The following AP1AR variants were observed in gnomAD, a reference collection of about 807,000 sequenced individuals.
AP1AR encodes the protein AP-1 complex-associated regulatory protein.
Under a neutral mutation model 46.3 loss-of-function variants are expected in AP1AR, and 29 were observed. The ratio of observed to expected loss-of-function variants is 0.63; its 90% confidence interval spans 0.47 to 0.85. AP1AR has a LOEUF of 0.85. Ranked by LOEUF, AP1AR falls within the 40% of genes least tolerant of loss-of-function variation. AP1AR has a pLI of 0.00. For synonymous variants in AP1AR, 122 were observed against 122.9 expected (o/e 0.99, Z 0.05); for missense variants, 357 against 356.3 (o/e 1.00, Z -0.02).
At chr4:112,236,009 T>G (rs949755627) in intron 1 of AP1AR, among the ~76,000 whole-genome samples, 5 of 152,068 alleles carry the variant, frequency 3.3e-5, no homozygotes, top group Non-Finnish European at 4.4e-5. Context: ...ATTTCCTTCA[T>G]ATGTGTATTA....
rs1317231369 is a variant in AP1AR at position 112,271,953 on chromosome 4, A to T, written c.*3544A>T. Among the ~76,000 whole-genome samples the T allele has an allele frequency of 1.3e-5, 2 of 152,180 alleles. No individual in the cohort carries two copies. Among genetic ancestry groups the T allele is most frequent in the Non-Finnish European group, 2.9e-5 (2 of 68,030 alleles). On this transcript the variant is annotated 3_prime_UTR_variant, in exon 10 of 10. Coordinates refer to ENST00000274000, the MANE Select transcript of AP1AR (RefSeq NM_018569.6). The stretch of plus-strand genomic sequence containing the variant: ...GTGAAACAGTCGTCAAAAGAAACAG[A>T]TACAGGAGGAATGCAGGAACCAGAG...
In AP1AR at chr4:112,269,717, C is replaced by T. The variant is rs1049994339; in HGVS notation, c.*1308C>T. ...CAATATTTGAACTGCTAAGCAATGA[C>T]ATCTGTAGTTTTATCTCCTTTTTTA... On this transcript the variant is annotated 3_prime_UTR_variant, in exon 10 of 10. Transcript: ENST00000274000. 4.6e-5 allele frequency: 7 copies of T among 151,598 alleles called. No individual in the cohort carries two copies. The highest frequency in any genetic ancestry group is 1.9e-4 in the East Asian group (1 of 5,188). 9.4% of individuals were successfully genotyped at this position (151,598 alleles called of 1,614,324 possible). A position where few individuals can be genotyped will look rare whatever the true frequency, so the allele number is the denominator to read the frequency against.
At position 112,271,558 on chromosome 4, in the gene AP1AR, CATT is replaced by C. The variant is rs1036096762; in HGVS notation, c.*3150_*3152del. ...TAAACTGTCTCAATCTATTTGGACT[CATT>C]GTCTCCCTACTGGCCAAATCTATAG... is the stretch of plus-strand genomic sequence containing the variant. On this transcript the variant is annotated 3_prime_UTR_variant, in exon 10 of 10. Coordinates refer to ENST00000274000, the MANE Select transcript of AP1AR (RefSeq NM_018569.6). Among the ~76,000 whole-genome samples, 3 of 152,198 alleles carry C rather than the reference CATT, an allele frequency of 2.0e-5. No individual in the cohort carries two copies. Among genetic ancestry groups the C allele is most frequent in the Non-Finnish European group, 2.9e-5 (2 of 68,030 alleles).
chr4:112,237,048 C>T (rs1725272782), intron 1 of AP1AR, among the ~76,000 whole-genome samples: 1 of 152,218 alleles, frequency 6.6e-6, no homozygotes, highest in Non-Finnish European at 1.5e-5. Context: ...TCTCTTACCA[C>T]TTTTAATATC....
At chr4:112,265,917 C>A in intron 8 of AP1AR, 110 bp downstream of exon 8, 3 of 648,628 alleles carry the variant, frequency 4.6e-6, no homozygotes, top group Non-Finnish European at 5.1e-6. Flanking sequence ...TTTGTAATTC[C>A]CAGATAGGTC....
chr4:112,247,420 A>T (rs150777610), intron 1 of AP1AR, among the ~76,000 whole-genome samples: 49 of 152,342 alleles, frequency 3.2e-4, no homozygotes, highest in African/African-American at 1.1e-3. Flanking sequence ...TCGAATTTGA[A>T]TAGAGGAGTC....
chr4:112,235,727 T>A lies in AP1AR; in HGVS notation c.83+3553T>A, dbSNP rs796691894. Reference sequence around the variant, plus strand: ...CCCTCTGAATTCAGAGTTCTTATCCTTAACCACCACAAATAGTTCATGGCA... The same window carrying A: ...CCCTCTGAATTCAGAGTTCTTATCCATAACCACCACAAATAGTTCATGGCA... On this transcript the variant is annotated intron_variant, in intron 1 of 9. Coordinates refer to ENST00000274000, the MANE Select transcript of AP1AR (RefSeq NM_018569.6). Among the ~76,000 whole-genome samples, 14 of 152,304 alleles carry A rather than the reference T, an allele frequency of 9.2e-5. 1 individual carries two copies. Among genetic ancestry groups the A allele is most frequent in the African/African-American group, 3.4e-4 (14 of 41,558 alleles).
At chr4:112,254,255 G>A (rs909397076) in intron 2 of AP1AR, among the ~76,000 whole-genome samples, 2 of 152,172 alleles carry the variant, frequency 1.3e-5, no homozygotes, top group African/African-American at 4.8e-5. Context: ...TGTATTTGGG[G>A]ATAGTAACTA....
At position 112,272,723 on chromosome 4, in the gene AP1AR, T is replaced by G. The variant is rs547711386; in HGVS notation, c.*4314T>G. ...TTTCTGCCTTAAATATAATTCTGTC[T>G]CTTGGCTGAATTCTTTCTCCCAAGA... On this transcript the variant is annotated 3_prime_UTR_variant, in exon 10 of 10. Transcript: ENST00000274000. Among the ~76,000 whole-genome samples, 5 of 152,346 alleles carry G rather than the reference T, an allele frequency of 3.3e-5. No individual in the cohort carries two copies. The highest frequency in any genetic ancestry group is 1.2e-4 in the African/African-American group (5 of 41,586).
chr4:112,247,907 A>G (rs945476805), intron 1 of AP1AR, among the ~76,000 whole-genome samples: 4 of 152,248 alleles, frequency 2.6e-5, no homozygotes, highest in African/African-American at 9.6e-5. Context: ...GATGTGAAAT[A>G]TTATGATGGG....
chr4:112,258,866 G>A (rs1285315858), intron 4 of AP1AR, among the ~76,000 whole-genome samples: 1 of 152,066 alleles, frequency 6.6e-6, no homozygotes, highest in East Asian at 1.9e-4. Flanking sequence ...TATAACTAGG[G>A]CTAGCAGAAG....
intron 9 of AP1AR, among the ~76,000 whole-genome samples, chr4:112,267,475 A>C (rs1329572962): frequency 6.6e-6 from 1 of 151,948 alleles, no homozygotes; most frequent in East Asian, 1.9e-4. Flanking sequence ...TTCCCATAGA[A>C]ATGTCTCTAC....
intron 7 of AP1AR, chr4:112,265,342 A>G (rs1309197404): frequency 8.4e-5 from 32 of 379,682 alleles, no homozygotes; most frequent in Middle Eastern, 7.0e-4. Flanking sequence ...TGAGTTGTTT[A>G]TACCCCAGTT....
In AP1AR at chr4:112,257,811, A is replaced by T. The variant is rs1231135740; in HGVS notation, c.185+14A>T. On this transcript the variant is annotated intron_variant, in intron 4 of 9. Transcript: ENST00000274000. ...AAGCAGTCATAGGTAAGGCTTTGTTAAAAAAAAAAAACAAAACTTCTATGC... is the reference window on the plus strand; with the variant it reads ...AAGCAGTCATAGGTAAGGCTTTGTTTAAAAAAAAAAACAAAACTTCTATGC... The T allele has an allele frequency of 2.3e-6, 2 of 887,536 alleles. No individual in the cohort carries two copies. The highest frequency in any genetic ancestry group is 3.2e-5 in the Admixed American group (1 of 31,086). The allele number at this position is 887,536 out of a possible 1,614,324, so 55.0% of individuals were successfully genotyped here.
chr4:112,264,507 A>G (rs1383628040), intron 6 of AP1AR, among the ~76,000 whole-genome samples: 1 of 152,156 alleles, frequency 6.6e-6, no homozygotes, highest in African/African-American at 2.4e-5. Context: ...TGCCAGGGAT[A>G]TATAGCTAAT....
chr4:112,260,879 A>T lies in AP1AR; in HGVS notation c.282+17A>T. The T allele has an allele frequency of 6.9e-7, 1 of 1,447,630 alleles. No homozygotes were observed. Among genetic ancestry groups the T allele is most frequent in the East Asian group, 2.3e-5 (1 of 43,518 alleles). 89.7% of individuals were successfully genotyped at this position (1,447,630 alleles called of 1,614,324 possible). On this transcript the variant is annotated intron_variant, in intron 5 of 9. Coordinates refer to ENST00000274000, the MANE Select transcript of AP1AR (RefSeq NM_018569.6). Reference sequence around the variant, plus strand: ...CAAAAAGAGGTAAATTGTCTTTTATATTGCTTAAGTACATGTTATCATAAA... The same window carrying T: ...CAAAAAGAGGTAAATTGTCTTTTATTTTGCTTAAGTACATGTTATCATAAA...
At chr4:112,240,930 A>G (rs868160292) in intron 1 of AP1AR, among the ~76,000 whole-genome samples, 8 of 152,346 alleles carry the variant, frequency 5.3e-5, no homozygotes, top group Middle Eastern at 6.8e-3. Flanking sequence ...GCATAGATAC[A>G]TAAGTGGCAA....
chr4:112,265,448 T>C, intron 7 of AP1AR: 1 of 382,084 alleles, frequency 2.6e-6, no homozygotes, highest in Non-Finnish European at 4.6e-6. Context: ...TCCACAAGTA[T>C]CACTACTCAT....
intron 7 of AP1AR, among the ~76,000 whole-genome samples, chr4:112,265,492 A>T (rs907765860): frequency 3.3e-5 from 5 of 151,946 alleles, no homozygotes; most frequent in African/African-American, 9.7e-5. Context: ...ATTATTGTAA[A>T]GTTGGACTTA....
Sources: allele counts gnomAD v4.1 joint callset (sites outside exome capture counted in the v4.1 genomes callset), GRCh38; gene constraint gnomAD v4.1.1; transcripts MANE v1.5; gene names NCBI Gene and HGNC (gene_info 2026-07-23, HGNC 2026-07-21).